The following RIN2 variants were observed in gnomAD, a reference collection of about 807,000 sequenced individuals.
RIN2 encodes the protein Ras and Rab interactor 2, also known as RAB5 interacting protein 2.
RIN2 carries 36 observed loss-of-function variants against 78.0 expected under a neutral mutation model. The ratio of observed to expected loss-of-function variants is 0.46; its 90% CI spans 0.35 to 0.61. RIN2 has a LOEUF of 0.61. Among genes scored for constraint, RIN2 ranks in the 20% least tolerant of loss-of-function variants. RIN2 has a pLI of 0.00. For missense variants in RIN2, 1,087 were observed against 1,159.7 expected (o/e 0.94, Z 0.91); for synonymous variants, 466 against 466.8 (o/e 1.00, Z 0.02).
chr20:19,975,284 C>T lies in RIN2; in HGVS notation c.1259C>T (p.Pro420Leu), dbSNP rs771265400. ...RAPPPSSESR[P>L]PCHGGRQRLS... ...CCGCCGCCCAGCTCTGAATCACGGC[C>T]CCCGTGCCATGGAGGCCGGCAGCGG... The change falls in exon 9 of 13, where the codon CCC (proline) becomes CTC (leucine). Residue 420 changes from proline to leucine, a missense_variant. Around this residue, in one of 8 missense-constraint regions of RIN2, gnomAD observed 706 missense variants for 667.5 expected, o/e 1.06. Transcript: ENST00000255006. This position sits in a 1 kb window ranked among gnomAD's most constrained non-coding sequence, Gnocchi z 4.9. The T allele has an allele frequency of 7.5e-6, 12 of 1,599,650 alleles. No individual in the cohort carries two copies. The Admixed American group carries it at 1.7e-4, about 23-fold the overall frequency.
chr20:20,000,956 AGTGGT>A lies in RIN2; in HGVS notation c.*22_*26del. On this transcript the variant is annotated 3_prime_UTR_variant, in exon 13 of 13. Coordinates refer to ENST00000255006, the MANE Select transcript of RIN2 (RefSeq NM_018993.4). ...TCCTAGAAGACAGGCGGGACTTCCC[AGTGGT>A]GCATCCAAAGGGGAGCTGGAAGCCT... 1.3e-6 allele frequency: 2 copies of A among 1,587,456 alleles called. No individual in the cohort carries two copies. Among genetic ancestry groups the A allele is most frequent in the Non-Finnish European group, 1.7e-6 (2 of 1,166,072 alleles).
chr20:19,831,138 A>T (rs1731439824), intron 2 of RIN2, among the ~76,000 whole-genome samples: 1 of 151,926 alleles, frequency 6.6e-6, no homozygotes, highest in Non-Finnish European at 1.5e-5. Context: ...CCGGGTAGAT[A>T]CTCCACCCTC....
intron 3 of RIN2, among the ~76,000 whole-genome samples, chr20:19,898,204 G>A (rs1013772121): frequency 7.2e-5 from 11 of 152,270 alleles, no homozygotes; most frequent in African/African-American, 2.6e-4. Flanking sequence ...GTACATTGTG[G>A]CCATTCATTT....
At chr20:19,910,950 C>T (rs567159529) in intron 3 of RIN2, among the ~76,000 whole-genome samples, 5 of 152,174 alleles carry the variant, frequency 3.3e-5, no homozygotes, top group African/African-American at 4.8e-5. Flanking sequence ...ATATCCATTA[C>T]CTTGGTTCCA....
intron 2 of RIN2, among the ~76,000 whole-genome samples, chr20:19,836,241 A>G (rs900879795): frequency 5.3e-5 from 8 of 152,228 alleles, no homozygotes; most frequent in African/African-American, 1.2e-4. Flanking sequence ...TCCAGCGATT[A>G]TAACACTGAA....
At chr20:19,861,352 C>T (rs1723880064) in intron 2 of RIN2, among the ~76,000 whole-genome samples, 1 of 152,222 alleles carries the variant, frequency 6.6e-6, no homozygotes, top group African/African-American at 2.4e-5. Flanking sequence ...CCACCACAGC[C>T]CTTCCCCTTG....
intron 2 of RIN2, chr20:19,809,612 A>G (rs2035523773): frequency 6.6e-6 from 1 of 152,522 alleles, no homozygotes; most frequent in Non-Finnish European, 1.5e-5. Flanking sequence ...AACTCACAGC[A>G]CAAGTCCAAA....
intron 9 of RIN2, among the ~76,000 whole-genome samples, chr20:19,983,611 A>C (rs545934308): frequency 6.6e-6 from 1 of 152,272 alleles, no homozygotes; most frequent in Non-Finnish European, 1.5e-5. Context: ...TTTAAAAAAA[A>C]ATCAGAATGC....
intron 1 of RIN2, among the ~76,000 whole-genome samples, chr20:19,789,948 A>G (rs2034837489): frequency 6.6e-6 from 1 of 152,102 alleles, no homozygotes; most frequent in Admixed American, 6.5e-5. Flanking sequence ...CTTTTCTCCA[A>G]GTCAATCATC....
chr20:19,798,854 C>A (rs1334800158), intron 1 of RIN2, among the ~76,000 whole-genome samples: 2 of 151,898 alleles, frequency 1.3e-5, no homozygotes, highest in Non-Finnish European at 2.9e-5. Context: ...TTTGAAAAGG[C>A]TAGGATACTG....
intron 2 of RIN2, among the ~76,000 whole-genome samples, chr20:19,851,364 A>G (rs1471198198): frequency 1.3e-5 from 2 of 152,116 alleles, no homozygotes; most frequent in African/African-American, 4.8e-5. Flanking sequence ...CCAGGTACAG[A>G]TGAAGGAGAT....
At chr20:19,924,182 C>A (rs1299357466) in intron 3 of RIN2, among the ~76,000 whole-genome samples, 1 of 72,734 alleles carries the variant, frequency 1.4e-5, no homozygotes, top group Non-Finnish European at 2.5e-5. Flanking sequence ...CATACCCACA[C>A]CTTCATACCC....
In RIN2 at chr20:19,974,204, G is replaced by A. The variant is rs57586886; in HGVS notation, c.629-450G>A. On this transcript the variant is annotated intron_variant, in intron 8 of 12. Transcript: ENST00000255006. ...CCATTAAAGGGGAACTTCAAGGCCC[G>A]ATTCCTTGGCTGGCAGCTGCACTGT... Among the ~76,000 whole-genome samples, 294 of 152,326 alleles carry A rather than the reference G, an allele frequency of 1.9e-3. 1 individual carries two copies. The highest frequency in any genetic ancestry group is 6.8e-3 in the African/African-American group (282 of 41,570).
intron 2 of RIN2, among the ~76,000 whole-genome samples, chr20:19,841,480 C>T (rs2036574311): frequency 6.6e-6 from 1 of 152,042 alleles, no homozygotes; most frequent in Non-Finnish European, 1.5e-5. Context: ...ACGATCTGAA[C>T]CATAAAGGCA....
At chr20:19,835,031 GAGAA>G (rs1424569753) in intron 2 of RIN2, among the ~76,000 whole-genome samples, 5 of 147,316 alleles carry the variant, frequency 3.4e-5, no homozygotes, top group Non-Finnish European at 6.0e-5. Context: ...AGAGAAAAAA[GAGAA>G]AGAGAAAGAA....
At chr20:19,924,716 CTTTTTTTTTTTTTTTTTTTTT>C (rs869199855) in intron 3 of RIN2, among the ~76,000 whole-genome samples, 10 of 10,984 alleles carry the variant, frequency 9.1e-4, no homozygotes, top group East Asian at 8.6e-3. Context: ...ATCCCCACCT[CTTTTTTTTTTTTTTTTTTTTT>C]TTTTTTTTTT....
intron 2 of RIN2, among the ~76,000 whole-genome samples, chr20:19,876,570 C>T (rs533869638): frequency 3.4e-5 from 4 of 119,164 alleles, no homozygotes; most frequent in South Asian, 2.7e-4. Flanking sequence ...AACAGACAGG[C>T]GAAATGGGGA....
At chr20:19,990,798 G>A (rs2042775811) in intron 10 of RIN2, among the ~76,000 whole-genome samples, 1 of 152,050 alleles carries the variant, frequency 6.6e-6, no homozygotes, top group Admixed American at 6.5e-5. Flanking sequence ...GGCCAATGAG[G>A]GTTTGTGTCA....
At chr20:19,934,442 G>A in intron 3 of RIN2, 11 of 983,742 alleles carry the variant, frequency 1.1e-5, no homozygotes, top group Middle Eastern at 5.2e-4. Context: ...ATGGATAGGT[G>A]GGGATCTGAG....
Sources: allele counts gnomAD v4.1 joint callset (sites outside exome capture counted in the v4.1 genomes callset), GRCh38; gene constraint gnomAD v4.1.1; regional missense constraint gnomAD v4.1.1; non-coding constraint Gnocchi (gnomAD v3.1); transcripts MANE v1.5; gene names NCBI Gene and HGNC (gene_info 2026-07-23, HGNC 2026-07-21).